Variants in PLEKHA6 observed in about 807,000 individuals in gnomAD.
The protein encoded by PLEKHA6 is pleckstrin homology domain containing A6, also known as pleckstrin homology domain-containing family A member 6.
A neutral mutation model predicts 116.7 loss-of-function variants in PLEKHA6; 60 were observed. The observed-to-expected ratio is 0.51, with a 90% confidence interval of 0.42 to 0.64. The LOEUF is 0.64. Ranked by LOEUF, PLEKHA6 falls within the 30% of genes least tolerant of loss-of-function variation. PLEKHA6 has a pLI of 0.00. For synonymous variants in PLEKHA6, 489 were observed against 556.1 expected, an observed-to-expected ratio of 0.88 and a Z score of 1.70; for missense variants, 1,338 against 1,422.7, an observed-to-expected ratio of 0.94 and a Z score of 0.96.
At chr1:204,302,179 C>T (rs1055843651) in intron 1 of PLEKHA6, among the ~76,000 whole-genome samples, 7 of 152,142 alleles carry the variant, frequency 4.6e-5, no homozygotes, top group African/African-American at 1.7e-4. Flanking sequence ...AATTCAATTC[C>T]CTCATGTTAC....
intron 8 of PLEKHA6, among the ~76,000 whole-genome samples, chr1:204,258,563 A>AG (rs1665666536): frequency 6.6e-6 from 1 of 152,228 alleles, no homozygotes; most frequent in African/African-American, 2.4e-5. Flanking sequence ...TCAGGCCACT[A>AG]GAGGGCAGGT....
chr1:204,281,686 G>A (rs187685037), intron 1 of PLEKHA6, among the ~76,000 whole-genome samples: 2 of 152,276 alleles, frequency 1.3e-5, no homozygotes, highest in East Asian at 1.9e-4. Context: ...GCCAGTGGCT[G>A]TCACCCAGCC....
Position 204,228,618 on chromosome 1 carries a change from C to T in PLEKHA6, c.2885+110G>A, listed in dbSNP as rs529436335. 7 of 991,840 alleles carry T rather than the reference C, an allele frequency of 7.1e-6. No individual in the cohort carries two copies. The highest frequency in any genetic ancestry group is 4.8e-5 in the East Asian group (2 of 41,644). 61.4% of individuals were successfully genotyped at this position (991,840 alleles called of 1,614,324 possible). A position where few individuals can be genotyped will look rare whatever the true frequency, so the allele number is the denominator to read the frequency against. Reference sequence around the variant, plus strand: ...TGTCTGCTGCCTGGAGTCACCACCTCGATGTGCTCTCCCCTGGGGAGGCTC... The same window carrying T: ...TGTCTGCTGCCTGGAGTCACCACCTTGATGTGCTCTCCCCTGGGGAGGCTC... On this transcript the variant is annotated intron_variant, in intron 20 of 22. Transcript: ENST00000272203. This position sits in a 1 kb window ranked among gnomAD's most constrained non-coding sequence, Gnocchi z 4.0.
chr1:204,243,626 C>A (rs1371706969), intron 15 of PLEKHA6, among the ~76,000 whole-genome samples: 1 of 152,094 alleles, frequency 6.6e-6, no homozygotes, highest in Non-Finnish European at 1.5e-5. Flanking sequence ...CCCTGTCTTG[C>A]TGCTCTGTGG....
chr1:204,268,874 C>T (rs902808943), intron 3 of PLEKHA6, among the ~76,000 whole-genome samples: 3 of 152,172 alleles, frequency 2.0e-5, no homozygotes, highest in Non-Finnish European at 4.4e-5. Context: ...ACTGTTTAAT[C>T]CTTCTCATCA....
intron 2 of PLEKHA6, among the ~76,000 whole-genome samples, chr1:204,370,355 A>G (rs1026376929): frequency 6.6e-6 from 1 of 152,232 alleles, no homozygotes; most frequent in African/African-American, 2.4e-5. Context: ...CCTTGGAACC[A>G]GGCGCCTAGT....
chr1:204,265,974 T>C (rs1260267604), intron 5 of PLEKHA6, among the ~76,000 whole-genome samples: 5 of 152,200 alleles, frequency 3.3e-5, no homozygotes, highest in African/African-American at 1.2e-4. Flanking sequence ...GGGACAATTA[T>C]GAGACTATGG....
chr1:204,376,825 G>A (rs923951587), intron 1 of PLEKHA6, among the ~76,000 whole-genome samples: 4 of 152,206 alleles, frequency 2.6e-5, no homozygotes, highest in Admixed American at 1.3e-4. Flanking sequence ...AGTCCAAGAC[G>A]CTGTGCTTCT....
In PLEKHA6 at chr1:204,228,056, G is replaced by A. The variant is rs376619501; in HGVS notation, c.3031+27C>T. The A allele has an allele frequency of 3.1e-6, 5 of 1,606,982 alleles. No homozygotes were observed. In the Admixed American group the frequency reaches 8.4e-5, roughly 27 times the overall value. ...CCTGGTCAGCTGGTTTCCCTGGCAG[G>A]GTGGAGCGAGGCCCAGCCCCTCTCA... On this transcript the variant is annotated intron_variant, in intron 21 of 22. Transcript: ENST00000272203. The surrounding 1 kb of genome is among the most constrained non-coding windows in gnomAD (Gnocchi z 4.0).
At chr1:204,240,566 T>C (rs922382749) in intron 17 of PLEKHA6, among the ~76,000 whole-genome samples, 1 of 152,238 alleles carries the variant, frequency 6.6e-6, no homozygotes, top group Non-Finnish European at 1.5e-5. Context: ...CACATAAGCA[T>C]TGAAGTATTG....
chr1:204,335,099 G>T (rs571044463), intron 1 of PLEKHA6, among the ~76,000 whole-genome samples: 1 of 151,982 alleles, frequency 6.6e-6, no homozygotes, highest in Non-Finnish European at 1.5e-5. Context: ...TTCCACTAAA[G>T]GACTTGATCT....
chr1:204,308,404 C>T (rs553393050), intron 1 of PLEKHA6, among the ~76,000 whole-genome samples: 4 of 152,146 alleles, frequency 2.6e-5, no homozygotes, highest in South Asian at 4.1e-4. Context: ...GGTGACAGAG[C>T]GAGACCCTGT....
rs1403926271 is a variant in PLEKHA6 at position 204,276,309 on chromosome 1, C to T, written c.-94-1500G>A. ...CCAGGCCTGGGTTCTGAGTCTAGCA[C>T]GTTGATAATCCACTCCCCACTTCCC... On this transcript the variant is annotated intron_variant, in intron 1 of 22. Coordinates refer to ENST00000272203, the MANE Select transcript of PLEKHA6 (RefSeq NM_014935.5). 3.3e-5 allele frequency among the ~76,000 whole-genome samples: 5 copies of T among 152,160 alleles called. No homozygotes were observed. In the South Asian group the frequency reaches 6.2e-4, roughly 19 times the overall value.
At chr1:204,300,384 G>A (rs940542093) in intron 1 of PLEKHA6, among the ~76,000 whole-genome samples, 4 of 152,098 alleles carry the variant, frequency 2.6e-5, no homozygotes, top group Admixed American at 2.0e-4. Context: ...TCTGTATGGG[G>A]GTTTCTTCCA....
chr1:204,313,617 A>T, intron 1 of PLEKHA6: 1 of 984,980 alleles, frequency 1.0e-6, no homozygotes, highest in South Asian at 4.7e-5. Context: ...TCTATATTCC[A>T]TATTAGCCCA....
intron 1 of PLEKHA6, among the ~76,000 whole-genome samples, chr1:204,355,606 A>ATTTTTTTTTTTTTTTTGTTTTGTTTT (rs1164292986): frequency 1.3e-5 from 2 of 151,864 alleles, no homozygotes; most frequent in Non-Finnish European, 2.9e-5. Flanking sequence ...CACTTAGCTA[A>ATTTTTTTTTTTTTTTTGTTTTGTTTT]TTTTTATATT....
intron 1 of PLEKHA6, chr1:204,313,430 G>A (rs1671737967): frequency 1.1e-5 from 3 of 273,958 alleles, no homozygotes; most frequent in Non-Finnish European, 1.7e-5. Context: ...ACATTCCTGG[G>A]CTCATCTGGC....
At chr1:204,311,494 A>C in intron 1 of PLEKHA6, 1 of 548,178 alleles carries the variant, frequency 1.8e-6, no homozygotes, top group East Asian at 1.5e-4. Flanking sequence ...TCTGTGTCAA[A>C]AAAAAAAAAA....
At chr1:204,342,196 G>T (rs901733186) in intron 1 of PLEKHA6, among the ~76,000 whole-genome samples, 1 of 151,754 alleles carries the variant, frequency 6.6e-6, no homozygotes, top group Non-Finnish European at 1.5e-5. Context: ...AAAAAGAAAA[G>T]AAAATGAGTA....
Sources: gnomAD v4.1 joint callset for allele counts (sites outside exome capture counted in the v4.1 genomes callset) on GRCh38, gnomAD v4.1.1 for gene constraint, Gnocchi (gnomAD v3.1) non-coding constraint, MANE v1.5 for transcripts, NCBI Gene and HGNC (gene_info 2026-07-23, HGNC 2026-07-21) for gene names.